PARD6G: variants seen among roughly 807,000 people sequenced by gnomAD.
The protein encoded by PARD6G is par-6 family cell polarity regulator gamma.
Under a neutral mutation model 10.7 loss-of-function variants are expected in PARD6G, and 7 were observed. The ratio of observed to expected loss-of-function variants is 0.66; its 90% CI spans 0.37 to 1.23. The LOEUF (loss-of-function observed/expected upper bound fraction) is 1.23, where lower values mean the gene tolerates loss of function less well. Ranked by LOEUF, PARD6G falls within the 50% of genes most tolerant of loss-of-function variation. The probability of loss-of-function intolerance (pLI) is 0.02; values close to 1 mark genes in which losing one functional copy is unlikely to be tolerated. For missense variants in PARD6G, 548 were observed against 571.8 expected (o/e 0.96, Z 0.42); for synonymous variants, 287 against 269.4 (o/e 1.07, Z -0.64).
At chr18:80,185,023 G>A (rs983355002) in intron 2 of PARD6G, 2 of 152,186 alleles carry the variant, frequency 1.3e-5, no homozygotes, top group Admixed American at 6.5e-5. Context: ...CCTAGGTGTT[G>A]CAACCTTGAA....
intron 2 of PARD6G, among the ~76,000 whole-genome samples, chr18:80,196,557 C>T (rs571691304): frequency 1.6e-4 from 24 of 152,206 alleles, no homozygotes. Context: ...AAACTCTCAC[C>T]ATTTACATAC....
intron 1 of PARD6G, among the ~76,000 whole-genome samples, chr18:80,219,322 C>T (rs1967205366): frequency 6.6e-6 from 1 of 152,162 alleles, no homozygotes; most frequent in South Asian, 2.1e-4. Flanking sequence ...GATTCTCCTG[C>T]CTCAGCCACC....
At chr18:80,209,422 C>T (rs112783726) in intron 1 of PARD6G, among the ~76,000 whole-genome samples, 3 of 152,218 alleles carry the variant, frequency 2.0e-5, no homozygotes, top group African/African-American at 7.2e-5. Context: ...ATTCCTACAA[C>T]AGGATAGTAA....
chr18:80,212,913 A>G lies in PARD6G; in HGVS notation c.73-9981T>C, dbSNP rs1462344187. Among the ~76,000 whole-genome samples, 5 of 152,136 alleles carry G rather than the reference A, an allele frequency of 3.3e-5. No homozygotes were observed. The South Asian group carries it at 1.0e-3, about 32-fold the overall frequency. On this transcript the variant is annotated intron_variant, in intron 1 of 2. Coordinates refer to ENST00000353265, the MANE Select transcript of PARD6G (RefSeq NM_032510.4). Reference sequence around the variant, plus strand: ...AAAAAAAAATTATCTTGTTTTTATCAATCTTTCTTAAATGTATAGCTCACA... The same window carrying G: ...AAAAAAAAATTATCTTGTTTTTATCGATCTTTCTTAAATGTATAGCTCACA...
rs1009624527 is a variant in PARD6G at position 80,228,023 on chromosome 18, C to T, written c.72+19254G>A. On this transcript the variant is annotated intron_variant, in intron 1 of 2. Coordinates refer to ENST00000353265, the MANE Select transcript of PARD6G (RefSeq NM_032510.4). The surrounding 1 kb of genome is among the most constrained non-coding windows in gnomAD (Gnocchi z 4.6). ...CTCATTGAACCCGTATTTTCCTGTG[C>T]TGGGCTGAACGGTGAAAGAAAAATA... is the stretch of plus-strand genomic sequence containing the variant. Among the ~76,000 whole-genome samples the T allele has an allele frequency of 1.3e-5, 2 of 152,150 alleles. No homozygotes were observed. Among genetic ancestry groups the T allele is most frequent in the African/African-American group, 4.8e-5 (2 of 41,432 alleles).
intron 1 of PARD6G, among the ~76,000 whole-genome samples, chr18:80,208,015 A>T (rs946161391): frequency 1.3e-5 from 2 of 151,616 alleles, no homozygotes; most frequent in African/African-American, 4.9e-5. Flanking sequence ...TTTAAAATGC[A>T]TGATAGTGGT....
chr18:80,207,238 T>C (rs1230705985), intron 1 of PARD6G, among the ~76,000 whole-genome samples: 10 of 88,074 alleles, frequency 1.1e-4, no homozygotes, highest in Non-Finnish European at 1.8e-4. Flanking sequence ...CAGATGTTTA[T>C]TTGGATGGCT....
intron 2 of PARD6G, among the ~76,000 whole-genome samples, chr18:80,198,123 TGAGAGAACGTCCG>T (rs1200397886): frequency 5.3e-5 from 8 of 152,300 alleles, no homozygotes; most frequent in African/African-American, 9.6e-5. Flanking sequence ...ATGTAGTCGT[TGAGAGAACGTCCG>T]GAGAGAACGT....
chr18:80,227,989 A>G (rs529128678), intron 1 of PARD6G, among the ~76,000 whole-genome samples: 2 of 152,338 alleles, frequency 1.3e-5, no homozygotes, highest in Admixed American at 1.3e-4. Flanking sequence ...TGAGCCAGGT[A>G]GAAACTTACT....
chr18:80,247,501 T>TGGCCGCGCGCCTCAGGGACTCCAGG lies in PARD6G; in HGVS notation c.-154_-153insCCTGGAGTCCCTGAGGCGCGCGGCC, dbSNP rs1967569427. 3.9e-6 allele frequency: 1 copy of TGGCCGCGCGCCTCAGGGACTCCAGG among 256,662 alleles called. No individual in the cohort carries two copies. The highest frequency in any genetic ancestry group is 6.1e-6 in the Non-Finnish European group (1 of 163,910). The allele number at this position is 256,662 out of a possible 1,614,324, so 15.9% of individuals were successfully genotyped here. A position where few individuals can be genotyped will look rare whatever the true frequency, so the allele number is the denominator to read the frequency against. On this transcript the variant is annotated 5_prime_UTR_variant, in exon 1 of 3. Transcript: ENST00000353265. This position sits in a 1 kb window ranked among gnomAD's most constrained non-coding sequence, Gnocchi z 4.2. Reference sequence around the variant, plus strand: ...CCGGTGCTGCGGGCCCGAGCTGGGCTGGCCGCGCGCCTCAGGGACTCCAGG... The same window carrying TGGCCGCGCGCCTCAGGGACTCCAGG: ...CCGGTGCTGCGGGCCCGAGCTGGGCTGGCCGCGCGCCTCAGGGACTCCAGGGGCCGCGCGCCTCAGGGACTCCAGG...
intron 1 of PARD6G, among the ~76,000 whole-genome samples, chr18:80,212,768 C>T (rs1283475556): frequency 2.0e-5 from 3 of 151,954 alleles, no homozygotes; most frequent in Non-Finnish European, 4.4e-5. Flanking sequence ...GCCTGTAGTC[C>T]CAGCTACTCA....
At chr18:80,227,572 A>C (rs931644568) in intron 1 of PARD6G, among the ~76,000 whole-genome samples, 1 of 152,188 alleles carries the variant, frequency 6.6e-6, no homozygotes, top group Non-Finnish European at 1.5e-5. Context: ...CTTCCAAATG[A>C]CTCAAGAAGG....
intron 2 of PARD6G, among the ~76,000 whole-genome samples, chr18:80,166,900 C>T (rs2052739734): frequency 1.3e-5 from 2 of 152,030 alleles, no homozygotes; most frequent in Non-Finnish European, 2.9e-5. Flanking sequence ...GAGGATCCAA[C>T]AAACCAGAGC....
chr18:80,191,468 A>T (rs1966896125), intron 2 of PARD6G, among the ~76,000 whole-genome samples: 1 of 152,208 alleles, frequency 6.6e-6, no homozygotes, highest in East Asian at 1.9e-4. Flanking sequence ...AGTGCCGACC[A>T]CAGCTCACCA....
In PARD6G at chr18:80,160,214, C is replaced by G; in HGVS notation, c.688G>C (p.Asp230His). 1 of 1,613,258 alleles carries G rather than the reference C, an allele frequency of 6.2e-7. No individual in the cohort carries two copies. The highest frequency in any genetic ancestry group is 8.5e-7 in the Non-Finnish European group (1 of 1,179,866). Residue 230 changes from aspartate to histidine, a missense_variant, in exon 3 of 3, where the codon GAC becomes CAC. Asp to His is a moderately conservative substitution (Grantham distance 81). Around this residue, in one of 2 missense-constraint regions of PARD6G, gnomAD observed 313 missense variants for 279.9 expected, o/e 1.12. Coordinates refer to ENST00000353265, the MANE Select transcript of PARD6G (RefSeq NM_032510.4). ...GCGATCATCATGTCCGTGACCTGGT[C>G]CAGCGTCTTCCCGGCCACCTCAATG... ...NGIEVAGKTL[D>H]QVTDMMIANS...
intron 1 of PARD6G, among the ~76,000 whole-genome samples, chr18:80,238,235 G>A (rs1393240069): frequency 3.3e-5 from 5 of 152,016 alleles, no homozygotes; most frequent in African/African-American, 7.3e-5. Context: ...GCAAACTATC[G>A]AAAGGACAAA....
intron 2 of PARD6G, among the ~76,000 whole-genome samples, chr18:80,178,987 C>T (rs56088385): frequency 0.011 from 1,605 of 152,250 alleles, 26 homozygotes; most frequent in African/African-American, 0.037. Context: ...GAGAAGGACA[C>T]GCCAGAGCCC....
chr18:80,221,526 A>C (rs1363464938), intron 1 of PARD6G, among the ~76,000 whole-genome samples: 2 of 152,216 alleles, frequency 1.3e-5, no homozygotes, highest in African/African-American at 2.4e-5. Flanking sequence ...AAAAACACTC[A>C]ACAAACTAGG....
chr18:80,247,415 G>T lies in PARD6G; in HGVS notation c.-67C>A. ...AGGGGCCGCAGAAAGACTCCCGGGG[G>T]CGGCGCCCCCAGGCCCCGGCCCCGG... On this transcript the variant is annotated 5_prime_UTR_variant, in exon 1 of 3. Coordinates refer to ENST00000353265, the MANE Select transcript of PARD6G (RefSeq NM_032510.4). The surrounding 1 kb of genome is among the most constrained non-coding windows in gnomAD (Gnocchi z 4.2). The T allele has an allele frequency of 8.0e-6, 11 of 1,368,480 alleles. No individual in the cohort carries two copies. Among genetic ancestry groups the T allele is most frequent in the Non-Finnish European group, 1.1e-5 (11 of 1,016,728 alleles). 84.8% of individuals were successfully genotyped at this position (1,368,480 alleles called of 1,614,324 possible). A position where few individuals can be genotyped will look rare whatever the true frequency, so the allele number is the denominator to read the frequency against.
Sources: gnomAD v4.1 joint callset for allele counts (sites outside exome capture counted in the v4.1 genomes callset) on GRCh38, gnomAD v4.1.1 for gene constraint, gnomAD v4.1.1 regional missense constraint, Gnocchi (gnomAD v3.1) non-coding constraint, MANE v1.5 for transcripts, NCBI Gene and HGNC (gene_info 2026-07-23, HGNC 2026-07-21) for gene names.